The following NELL1 variants were observed in gnomAD, a reference collection of about 807,000 sequenced individuals.
NELL1 encodes protein kinase C-binding protein NELL1.
NELL1 carries 76 observed loss-of-function variants against 107.4 expected under a neutral mutation model. The observed-to-expected ratio is 0.71, with a 90% CI of 0.59 to 0.86. The LOEUF is 0.86. NELL1 is among the 40% of genes least tolerant of loss of function. The pLI is 0.00. For synonymous variants in NELL1, 353 were observed against 341.2 expected (o/e 1.03, Z -0.38); for missense variants, 1,024 against 1,005.5 (o/e 1.02, Z -0.25).
intron 15 of NELL1, among the ~76,000 whole-genome samples, chr11:21,488,838 A>C (rs1854715520): frequency 6.6e-6 from 1 of 152,124 alleles, no homozygotes; most frequent in African/African-American, 2.4e-5. Context: ...AAAAAAAAGA[A>C]AGATTTCAAA....
chr11:21,248,087 G>A (rs960433248), intron 14 of NELL1, among the ~76,000 whole-genome samples: 3 of 152,204 alleles, frequency 2.0e-5, no homozygotes, highest in African/African-American at 7.2e-5. Context: ...GCTCACGCCT[G>A]TAATTCCAGC....
At chr11:20,837,525 G>A (rs1040613665) in intron 3 of NELL1, among the ~76,000 whole-genome samples, 1 of 152,106 alleles carries the variant, frequency 6.6e-6, no homozygotes, top group East Asian at 1.9e-4. Flanking sequence ...TCTTGATTTC[G>A]CATACCATTC....
intron 15 of NELL1, among the ~76,000 whole-genome samples, chr11:21,470,013 A>AACTTGATTAATGATAT (rs1854132831): frequency 6.6e-6 from 1 of 152,068 alleles, no homozygotes; most frequent in African/African-American, 2.4e-5. Flanking sequence ...TGAAGAATGA[A>AACTTGATTAATGATAT]ACTTGATTAA....
At chr11:21,063,835 A>G (rs867758071) in intron 12 of NELL1, among the ~76,000 whole-genome samples, 1 of 152,260 alleles carries the variant, frequency 6.6e-6, no homozygotes, top group African/African-American at 2.4e-5. Flanking sequence ...CAATAAACAA[A>G]CTAACTAATA....
rs191256937 is a variant in NELL1, at chr11:21,490,737, G to A, written c.1646-43637G>A. Among the ~76,000 whole-genome samples the A allele has an allele frequency of 1.7e-3, 258 of 152,030 alleles. 2 individuals are homozygous for A. The highest frequency in any genetic ancestry group is 5.8e-3 in the African/African-American group (242 of 41,474). On this transcript the variant is annotated intron_variant, in intron 15 of 19. Coordinates refer to ENST00000357134, the MANE Select transcript of NELL1 (RefSeq NM_006157.5). ...CTCAATAAATGGTGCTGGGAAAATT[G>A]GATATCCATATGCAAAAGAATGAAA...
At chr11:21,212,917 C>T (rs978667543) in intron 13 of NELL1, among the ~76,000 whole-genome samples, 1 of 152,122 alleles carries the variant, frequency 6.6e-6, no homozygotes, top group African/African-American at 2.4e-5. Flanking sequence ...ACAAATCAAG[C>T]TGTATCTATT....
chr11:21,245,318 TC>T (rs1323082463), intron 14 of NELL1, among the ~76,000 whole-genome samples: 2 of 152,204 alleles, frequency 1.3e-5, no homozygotes, highest in African/African-American at 4.8e-5. Flanking sequence ...CTTGGCAATT[TC>T]TGTGGCCTTG....
chr11:21,566,290 GA>G (rs1218885878), intron 17 of NELL1, among the ~76,000 whole-genome samples: 1 of 151,010 alleles, frequency 6.6e-6, no homozygotes, highest in South Asian at 2.1e-4. Context: ...CTCTATGGCA[GA>G]AAAAAAATGA....
chr11:21,510,580 A>G (rs911167144), intron 15 of NELL1, among the ~76,000 whole-genome samples: 5 of 152,184 alleles, frequency 3.3e-5, no homozygotes, highest in Admixed American at 1.3e-4. Flanking sequence ...AAATCTTCCA[A>G]AATGTTATGA....
At chr11:20,779,029 G>A (rs1054397319) in intron 2 of NELL1, among the ~76,000 whole-genome samples, 4 of 152,078 alleles carry the variant, frequency 2.6e-5, no homozygotes, top group African/African-American at 7.2e-5. Context: ...TGAGGTTAAC[G>A]AAAAGGGAGG....
intron 2 of NELL1, among the ~76,000 whole-genome samples, chr11:20,782,444 A>G (rs1360462770): frequency 6.6e-6 from 1 of 152,202 alleles, no homozygotes; most frequent in Non-Finnish European, 1.5e-5. Flanking sequence ...GCAATTCAAA[A>G]AATTATAGAA....
At chr11:21,571,415 C>A (rs1205141098) in intron 18 of NELL1, among the ~76,000 whole-genome samples, 4 of 151,820 alleles carry the variant, frequency 2.6e-5, no homozygotes, top group African/African-American at 9.7e-5. Flanking sequence ...TTACCTTGGG[C>A]AAGTCCTAGC....
chr11:21,113,645 A>G lies in NELL1; in HGVS notation c.1357A>G (p.Asn453Asp), dbSNP rs1855158791. 4 of 1,612,314 alleles carry G rather than the reference A, an allele frequency of 2.5e-6. No homozygotes were observed. The highest frequency in any genetic ancestry group is 2.5e-6 in the Non-Finnish European group (3 of 1,178,788). The change falls in exon 13 of 20, where the codon AAC becomes GAC. Residue 453 changes from asparagine to aspartate, a missense_variant. Coordinates refer to ENST00000357134, the MANE Select transcript of NELL1 (RefSeq NM_006157.5). Reference sequence around the variant, plus strand: ...CTGTCATGCCAATACTGTGTGTGTCAACCTTCCTGGGTTATATCGCTGTGA... The same window carrying G: ...CTGTCATGCCAATACTGTGTGTGTCGACCTTCCTGGGTTATATCGCTGTGA... ...HYCHANTVCV[N>D]LPGLYRCDCV...
At chr11:21,279,703 A>G (rs187713904) in intron 14 of NELL1, among the ~76,000 whole-genome samples, 157 of 152,330 alleles carry the variant, frequency 1.0e-3, no homozygotes, top group African/African-American at 3.5e-3. Flanking sequence ...CGATACAGCA[A>G]TTGTGCTTCT....
rs892317618 is a variant in NELL1, at chr11:21,481,820, A to G, written c.1646-52554A>G. 7.2e-5 allele frequency among the ~76,000 whole-genome samples: 11 copies of G among 152,322 alleles called. No homozygotes were observed. In the South Asian group the frequency reaches 2.3e-3, roughly 32 times the overall value. On this transcript the variant is annotated intron_variant, in intron 15 of 19. Coordinates refer to ENST00000357134, the MANE Select transcript of NELL1 (RefSeq NM_006157.5). ...TGTGTGACAAGTATCTGAAAAAAAG[A>G]ACTCATTTACACAAAGAGTATGCCA...
At chr11:20,674,929 C>A (rs551105256) in intron 1 of NELL1, among the ~76,000 whole-genome samples, 3 of 152,234 alleles carry the variant, frequency 2.0e-5, no homozygotes, top group Admixed American at 6.5e-5. Flanking sequence ...TTTTGTATAA[C>A]AAATAACCCC....
chr11:21,332,227 G>A (rs534465580), intron 14 of NELL1, among the ~76,000 whole-genome samples: 1 of 152,088 alleles, frequency 6.6e-6, no homozygotes, highest in East Asian at 1.9e-4. Context: ...AGGATGCACT[G>A]CTTTGCGTTC....
chr11:20,783,199 GA>G (rs1336308713), intron 2 of NELL1, among the ~76,000 whole-genome samples: 1 of 152,182 alleles, frequency 6.6e-6, no homozygotes, highest in African/African-American at 2.4e-5. Context: ...TGTGTCCATG[GA>G]AAAAGTGAAA....
At chr11:21,232,491 G>A (rs1173159365) in intron 14 of NELL1, among the ~76,000 whole-genome samples, 4 of 152,146 alleles carry the variant, frequency 2.6e-5, no homozygotes. Flanking sequence ...AGAAAGAGGA[G>A]GAGGAGGTTG....
Sources: gnomAD v4.1 joint callset for allele counts (sites outside exome capture counted in the v4.1 genomes callset) on GRCh38, gnomAD v4.1.1 for gene constraint, MANE v1.5 for transcripts, NCBI Gene and HGNC (gene_info 2026-07-23, HGNC 2026-07-21) for gene names.